The following PPP6C variants were observed in gnomAD, a reference collection of about 807,000 sequenced individuals.
PPP6C encodes protein phosphatase 6 catalytic subunit.
PPP6C carries 11 observed loss-of-function variants against 39.8 expected under a neutral mutation model. That is an observed-to-expected ratio of 0.28 (90% confidence interval 0.17 to 0.46). PPP6C has a LOEUF of 0.46. PPP6C is among the 20% of genes least tolerant of loss of function. The pLI, the probability that PPP6C is intolerant of heterozygous loss-of-function variation, is 1.00. For synonymous variants in PPP6C, 129 were observed against 130.3 expected, an observed-to-expected ratio of 0.99 and a Z score of 0.07; for missense variants, 211 against 373.9, an observed-to-expected ratio of 0.56 and a Z score of 3.59.
At position 125,153,478 on chromosome 9, in the gene PPP6C, T is replaced by C. The variant is rs113692074; in HGVS notation, c.669+55A>G. On this transcript the variant is annotated intron_variant, in intron 6 of 6. Transcript: ENST00000373547. ...TTGTTATCTAGGGCCACCATAGTTC[T>C]CTATGCAGCCCATTAGCAATCCACA... 2.0e-4 allele frequency: 297 copies of C among 1,515,248 alleles called. 1 individual carries two copies. In the African/African-American group the frequency reaches 3.5e-3, roughly 18 times the overall value. 93.9% of individuals were successfully genotyped at this position (1,515,248 alleles called of 1,614,324 possible). A position where few individuals can be genotyped will look rare whatever the true frequency, so the allele number is the denominator to read the frequency against.
intron 2 of PPP6C, among the ~76,000 whole-genome samples, chr9:125,164,216 CTCTT>C (rs1588281936): frequency 1.7e-5 from 2 of 119,794 alleles, no homozygotes; most frequent in Non-Finnish European, 3.5e-5. Flanking sequence ...CTCCCTCACT[CTCTT>C]TTTTTTTTTT....
At chr9:125,163,600 T>A (rs1020379291) in intron 2 of PPP6C, among the ~76,000 whole-genome samples, 3 of 151,784 alleles carry the variant, frequency 2.0e-5, no homozygotes, top group Non-Finnish European at 2.9e-5. Context: ...CCAGCTAATT[T>A]ATGTATTTTT....
chr9:125,164,988 C>T (rs1455710261), intron 2 of PPP6C, among the ~76,000 whole-genome samples: 4 of 152,114 alleles, frequency 2.6e-5, no homozygotes, highest in Non-Finnish European at 4.4e-5. Flanking sequence ...CCGCCCGCCT[C>T]GGCCTCCCAC....
intron 1 of PPP6C, among the ~76,000 whole-genome samples, chr9:125,177,979 T>G (rs1193437928): frequency 6.6e-6 from 1 of 152,214 alleles, no homozygotes; most frequent in African/African-American, 2.4e-5. Context: ...TATGGCTTGA[T>G]AGCTCATTTC....
intron 2 of PPP6C, among the ~76,000 whole-genome samples, chr9:125,161,983 A>G (rs1828885317): frequency 6.6e-6 from 1 of 152,074 alleles, no homozygotes; most frequent in Admixed American, 6.6e-5. Context: ...TTAACACTTA[A>G]TAGGAATGTT....
chr9:125,153,264 A>C (rs551637034), intron 6 of PPP6C, among the ~76,000 whole-genome samples: 47 of 152,248 alleles, frequency 3.1e-4, no homozygotes, highest in African/African-American at 1.1e-3. Flanking sequence ...CGACAGAGCA[A>C]GACTCCATCT....
At chr9:125,152,117 G>C (rs1485724840) in intron 6 of PPP6C, among the ~76,000 whole-genome samples, 1 of 152,078 alleles carries the variant, frequency 6.6e-6, no homozygotes, top group Non-Finnish European at 1.5e-5. Context: ...GGTAGGGGGT[G>C]GGGGGTGGTT....
At chr9:125,155,439 C>T (rs1452474659) in intron 4 of PPP6C, among the ~76,000 whole-genome samples, 1 of 152,136 alleles carries the variant, frequency 6.6e-6, no homozygotes, top group Non-Finnish European at 1.5e-5. Flanking sequence ...TAAGAGAGCC[C>T]TAACAATGAG....
At chr9:125,188,914 C>T in intron 1 of PPP6C, 3 of 1,548,190 alleles carry the variant, frequency 1.9e-6, no homozygotes, top group Non-Finnish European at 2.6e-6. Context: ...TAACAAGGAA[C>T]TCACCTCCTT....
At chr9:125,182,327 A>C (rs75640750) in intron 1 of PPP6C, among the ~76,000 whole-genome samples, 2 of 152,092 alleles carry the variant, frequency 1.3e-5, no homozygotes, top group South Asian at 4.1e-4. Flanking sequence ...GGTATTTATA[A>C]AACACTCTTA....
At position 125,189,711 on chromosome 9, in the gene PPP6C, G is replaced by A. The variant is rs773155117; in HGVS notation, c.8C>T (p.Pro3Leu). 1.9e-6 allele frequency: 3 copies of A among 1,587,658 alleles called. No homozygotes were observed. Among genetic ancestry groups the A allele is most frequent in the East Asian group, 2.3e-5 (1 of 42,760 alleles). MA[P>L]LDLDKYVEIA... Reference sequence around the variant, plus strand: ...TTCCACATACTTGTCCAGGTCTAGCGGCGCCATTTTAAGAATAACAAGCCG... The same window carrying A: ...TTCCACATACTTGTCCAGGTCTAGCAGCGCCATTTTAAGAATAACAAGCCG... Residue 3 changes from proline to leucine, a missense_variant, in exon 1 of 7, where the codon CCG (proline) becomes CTG (leucine). Pro to Leu is a moderately conservative substitution (Grantham distance 98, BLOSUM62 -3). Transcript: ENST00000373547.
In PPP6C at chr9:125,148,438, C is replaced by A. The variant is rs1175682136; in HGVS notation, c.*1235G>T. ...CATATTCAGAACTGATCATCACAAC[C>A]CTTTGGATATTCAAATTACTTACAC... On this transcript the variant is annotated 3_prime_UTR_variant, in exon 7 of 7. Transcript: ENST00000373547. 6.6e-6 allele frequency: 1 copy of A among 152,114 alleles called. No homozygotes were observed. The highest frequency in any genetic ancestry group is 1.5e-5 in the Non-Finnish European group (1 of 68,000). The allele number at this position is 152,114 out of a possible 1,614,324, so 9.4% of individuals were successfully genotyped here.
Position 125,153,544 on chromosome 9 carries a change from C to A in PPP6C, c.658G>T (p.Val220Phe). The A allele has an allele frequency of 6.2e-7, 1 of 1,614,100 alleles. No individual in the cohort carries two copies. Among genetic ancestry groups the A allele is most frequent in the South Asian group, 1.1e-5 (1 of 91,076 alleles). Residue 220 changes from valine (V) to phenylalanine (F), a missense_variant, in exon 6 of 7, where the codon GTC becomes TTC. Physicochemically the swap from Val to Phe is conservative, Grantham distance 50 (BLOSUM62 -1). Transcript: ENST00000373547. ...RGAGWLFGAKVTNEFVHINNL... is the reference protein window; with the variant it reads ...RGAGWLFGAKFTNEFVHINNL... ...AATGTTGGCTTTACCTCATTTGTGA[C>A]CTTTGCTCCAAAAAGCCAACCTGCT...
At chr9:125,180,749 T>C (rs1304258822) in intron 1 of PPP6C, among the ~76,000 whole-genome samples, 1 of 152,148 alleles carries the variant, frequency 6.6e-6, no homozygotes, top group Non-Finnish European at 1.5e-5. Flanking sequence ...TGCCAGAATT[T>C]TCGCTGACAT....
chr9:125,175,467 T>A (rs139703184), intron 1 of PPP6C, among the ~76,000 whole-genome samples: 21,416 of 150,436 alleles, frequency 0.14, 1,622 homozygotes, highest in East Asian at 0.23. Flanking sequence ...TGAAACCCCG[T>A]CTCTACTAAA....
intron 1 of PPP6C, among the ~76,000 whole-genome samples, chr9:125,185,924 G>T (rs1378178026): frequency 4.6e-5 from 7 of 152,032 alleles, no homozygotes; most frequent in Admixed American, 3.9e-4. Context: ...GGCAGAGGTT[G>T]CAGTGAGCCA....
At chr9:125,171,478 C>CACACACATATATAT (rs1171157245) in intron 1 of PPP6C, among the ~76,000 whole-genome samples, 3 of 83,526 alleles carry the variant, frequency 3.6e-5, no homozygotes, top group South Asian at 3.9e-4. Context: ...CACACACACA[C>CACACACATATATAT]ATATATATAT....
At chr9:125,164,195 A>G (rs1311485549) in intron 2 of PPP6C, among the ~76,000 whole-genome samples, 1 of 116,712 alleles carries the variant, frequency 8.6e-6, no homozygotes, top group Non-Finnish European at 1.7e-5. Context: ...TCTACCATCT[A>G]CTCTATGTCT....
chr9:125,162,561 C>CA (rs1407440510), intron 2 of PPP6C, among the ~76,000 whole-genome samples: 1 of 150,370 alleles, frequency 6.7e-6, no homozygotes, highest in Non-Finnish European at 1.5e-5. Context: ...ATCATGAGGT[C>CA]AGGAGATCAA....
Sources: allele counts gnomAD v4.1 joint callset (sites outside exome capture counted in the v4.1 genomes callset), GRCh38; gene constraint gnomAD v4.1.1; transcripts MANE v1.5; gene names NCBI Gene and HGNC (gene_info 2026-07-23, HGNC 2026-07-21).